TENM1: variants seen among roughly 807,000 people sequenced by gnomAD.
The protein encoded by TENM1 is teneurin-1.
A neutral mutation model predicts 174.8 loss-of-function variants in TENM1; 35 were observed. The ratio of observed to expected loss-of-function variants is 0.20; its 90% CI spans 0.15 to 0.27. The LOEUF (loss-of-function observed/expected upper bound fraction) is 0.27, where lower values mean the gene tolerates loss of function less well. TENM1 is among the 10% of genes least tolerant of loss of function. The probability of loss-of-function intolerance (pLI) is 1.00; values close to 1 mark genes in which losing one functional copy is unlikely to be tolerated. For synonymous variants in TENM1, 781 were observed against 798.7 expected, an observed-to-expected ratio of 0.98 and a Z score of 0.37; for missense variants, 1,633 against 2,130.1, an observed-to-expected ratio of 0.77 and a Z score of 4.59.
chrX:124,669,480 A>G (rs942917358), intron 6 of TENM1, among the ~76,000 whole-genome samples: 2 of 111,459 alleles, frequency 1.8e-5, no homozygotes, highest in Non-Finnish European at 3.8e-5. Flanking sequence ...TCATAAAAGG[A>G]TACAACTGAA....
intron 28 of TENM1, among the ~76,000 whole-genome samples, chrX:124,386,768 G>T (rs993314564): frequency 9.1e-6 from 1 of 109,747 alleles, no homozygotes; most frequent in Admixed American, 9.8e-5. Flanking sequence ...AGGCTGGAGT[G>T]CAGTGGTGTA....
chrX:124,987,004 G>A, the TENM1 span, among the ~76,000 whole-genome samples: 1 of 111,544 alleles, frequency 9.0e-6, no homozygotes. Flanking sequence ...AACTGCATAC[G>A]CCTGCACCAC....
intron 3 of TENM1, among the ~76,000 whole-genome samples, chrX:124,872,420 G>A (rs1192247339): frequency 6.3e-5 from 7 of 111,438 alleles, no homozygotes; most frequent in Non-Finnish European, 1.1e-4. Context: ...ATGAAAATAC[G>A]GGACAATTTT....
At chrX:124,804,203 G>A (rs2055531023) in intron 3 of TENM1, among the ~76,000 whole-genome samples, 1 of 111,700 alleles carries the variant, frequency 9.0e-6, no homozygotes, top group Admixed American at 9.5e-5. Context: ...TAATTGGTAG[G>A]ACAATATGAA....
At chrX:124,908,262 G>A (rs747727346) in intron 1 of TENM1, among the ~76,000 whole-genome samples, 16 of 111,155 alleles carry the variant, frequency 1.4e-4, no homozygotes, top group Admixed American at 8.6e-4. Context: ...CTATCAACCC[G>A]TCACCTAGGT....
chrX:124,943,801 T>C (rs2058363731), intron 1 of TENM1, among the ~76,000 whole-genome samples: 1 of 112,052 alleles, frequency 8.9e-6, no homozygotes, highest in Admixed American at 9.5e-5. Context: ...CCACTTCTCA[T>C]GAATTGTTTA....
intron 5 of TENM1, among the ~76,000 whole-genome samples, chrX:124,689,218 A>G (rs1456490786): frequency 1.8e-5 from 2 of 112,057 alleles, no homozygotes; most frequent in South Asian, 3.7e-4. Flanking sequence ...TGTTTGGACA[A>G]ATTGGCAATA....
At chrX:124,429,127 C>T (rs1317585643) in intron 23 of TENM1, among the ~76,000 whole-genome samples, 1 of 111,456 alleles carries the variant, frequency 9.0e-6, no homozygotes, top group Non-Finnish European at 1.9e-5. Flanking sequence ...GCTTTTAGCC[C>T]CTATGCCATC....
Position 124,649,505 on chromosome X carries a change from T to C in TENM1, c.1579+2409A>G, listed in dbSNP as rs183236484. On this transcript the variant is annotated intron_variant, in intron 8 of 31. Coordinates refer to ENST00000422452, the Ensembl canonical transcript of TENM1. Reference sequence around the variant, plus strand: ...TATGTATCACTATTCCTGAGCTATCTGGGTTGTGATGAGAATCAAACAAGA... The same window carrying C: ...TATGTATCACTATTCCTGAGCTATCCGGGTTGTGATGAGAATCAAACAAGA... Among the ~76,000 whole-genome samples, 17 of 112,469 alleles carry C rather than the reference T, an allele frequency of 1.5e-4. No individual in the cohort carries two copies. The East Asian group carries it at 4.5e-3, about 30-fold the overall frequency.
At chrX:124,687,047 C>A (rs1208778026) in intron 5 of TENM1, among the ~76,000 whole-genome samples, 1 of 111,632 alleles carries the variant, frequency 9.0e-6, no homozygotes, top group Non-Finnish European at 1.9e-5. Context: ...ACTCCTTAAG[C>A]TGATAAGCAA....
the TENM1 span, among the ~76,000 whole-genome samples, chrX:124,979,680 A>G: frequency 9.0e-6 from 1 of 111,349 alleles, no homozygotes; most frequent in South Asian, 3.8e-4. Context: ...GAAACATATC[A>G]AATAATGCAG....
exon 24 of TENM1, chrX:124,422,636 C>T (rs2060667370): frequency 8.3e-7 from 1 of 1,204,657 alleles, no homozygotes; most frequent in African/African-American, 1.8e-5. Context: ...ACTCTAATCG[C>T]ACCTGTGAAA....
the TENM1 span, among the ~76,000 whole-genome samples, chrX:125,094,861 C>A: frequency 1.2e-4 from 13 of 112,149 alleles, no homozygotes; most frequent in Admixed American, 1.1e-3. Flanking sequence ...TCATTTTTAA[C>A]ATGCCAACTT....
intron 21 of TENM1, among the ~76,000 whole-genome samples, chrX:124,484,840 AT>A (rs11378666): frequency 9.1e-6 from 1 of 109,848 alleles, no homozygotes. Flanking sequence ...TGTAAGCACT[AT>A]TTTTTTTCCT....
At position 124,536,736 on chromosome X, in the gene TENM1, C is replaced by T. The variant is rs191935713; in HGVS notation, c.2652-6753G>A. Among the ~76,000 whole-genome samples, 620 of 111,881 alleles carry T rather than the reference C, an allele frequency of 5.5e-3. 1 individual carries two copies. Among genetic ancestry groups the T allele is most frequent in the Non-Finnish European group, 9.0e-3 (476 of 53,115 alleles). ...CTTCATTTAGACACATGATTATTTT[C>T]GTCCAGAATTTGAATCCTGAAATAT... On this transcript the variant is annotated intron_variant, in intron 15 of 31. Coordinates refer to ENST00000422452, the Ensembl canonical transcript of TENM1.
intron 6 of TENM1, among the ~76,000 whole-genome samples, chrX:124,667,658 T>A: frequency 9.1e-6 from 1 of 110,348 alleles, no homozygotes; most frequent in South Asian, 3.8e-4. Context: ...TTTGGTACAA[T>A]ACTTTCAATT....
chrX:124,567,446 G>C (rs1174599254), intron 11 of TENM1, among the ~76,000 whole-genome samples: 1 of 112,039 alleles, frequency 8.9e-6, no homozygotes, highest in Non-Finnish European at 1.9e-5. Context: ...ATAAAGGAGT[G>C]TTTAACTACA....
the TENM1 span, among the ~76,000 whole-genome samples, chrX:125,132,553 G>A: frequency 8.9e-6 from 1 of 112,002 alleles, no homozygotes; most frequent in Non-Finnish European, 1.9e-5. Context: ...TAAGGATAAC[G>A]CTGATAACGG....
chrX:125,179,013 G>T, the TENM1 span, among the ~76,000 whole-genome samples: 1 of 109,673 alleles, frequency 9.1e-6, no homozygotes, highest in East Asian at 2.9e-4. Context: ...CTCCAGTTTT[G>T]CACAAAGAAG....
Sources: gnomAD v4.1 joint callset for allele counts (sites outside exome capture counted in the v4.1 genomes callset) on GRCh38, gnomAD v4.1.1 for gene constraint, MANE v1.5 for transcripts, NCBI Gene and HGNC (gene_info 2026-07-23, HGNC 2026-07-21) for gene names.